MARK2: variants seen among roughly 807,000 people sequenced by gnomAD.
MARK2 encodes the protein serine/threonine-protein kinase MARK2.
MARK2 carries 16 observed loss-of-function variants against 89.8 expected under a neutral mutation model. That is an observed-to-expected ratio of 0.18 (90% confidence interval 0.12 to 0.27). The LOEUF is 0.27. MARK2 is among the 10% of genes least tolerant of loss of function. The pLI, the probability that MARK2 is intolerant of heterozygous loss-of-function variation, is 1.00. For synonymous variants in MARK2, 382 were observed against 399.5 expected, an observed-to-expected ratio of 0.96 and a Z score of 0.52; for missense variants, 621 against 1,049.9, an observed-to-expected ratio of 0.59 and a Z score of 5.65.
intron 16 of MARK2, among the ~76,000 whole-genome samples, chr11:63,905,345 C>T (rs985328342): frequency 2.0e-5 from 3 of 152,136 alleles, no homozygotes; most frequent in African/African-American, 4.8e-5. Context: ...AAAATAAAAG[C>T]CCCCCCTTCT....
At chr11:63,842,331 C>G (rs2016059785) in intron 1 of MARK2, among the ~76,000 whole-genome samples, 1 of 151,990 alleles carries the variant, frequency 6.6e-6, no homozygotes, top group Non-Finnish European at 1.5e-5. Context: ...ATTCCCCTGC[C>G]TCAGCCTCCT....
At chr11:63,901,205 T>C (rs1940835207) in intron 11 of MARK2, 136 bp downstream of exon 11, 1 of 659,686 alleles carries the variant, frequency 1.5e-6, no homozygotes, top group Admixed American at 2.2e-5. Flanking sequence ...AGCCTCAGCT[T>C]TGGTGTCTAA....
At chr11:63,876,579 G>C (rs1049681268) in intron 1 of MARK2, among the ~76,000 whole-genome samples, 1 of 152,240 alleles carries the variant, frequency 6.6e-6, no homozygotes, top group Non-Finnish European at 1.5e-5. Context: ...TGGCCACCCA[G>C]CTAAATTCTA....
intron 18 of MARK2, 42 bp downstream of exon 18, chr11:63,908,346 G>A (rs190807235): frequency 8.6e-5 from 131 of 1,521,918 alleles, no homozygotes; most frequent in East Asian, 5.9e-4. Context: ...CCGGGCCACC[G>A]GGCTTGCCAC....
At chr11:63,888,297 C>G (rs1939526604) in intron 1 of MARK2, among the ~76,000 whole-genome samples, 1 of 152,206 alleles carries the variant, frequency 6.6e-6, no homozygotes, top group Non-Finnish European at 1.5e-5. Flanking sequence ...GTCAGCACAT[C>G]TGAGTCACAC....
At chr11:63,864,488 G>A (rs961640798) in intron 1 of MARK2, among the ~76,000 whole-genome samples, 1 of 147,482 alleles carries the variant, frequency 6.8e-6, no homozygotes, top group Non-Finnish European at 1.5e-5. Flanking sequence ...TTGAACTCCC[G>A]ACCTCAGGTG....
At position 63,906,131 on chromosome 11, in the gene MARK2, CTGTGTGTGTG is replaced by C. The variant is rs535377951; in HGVS notation, c.1961+33_1961+42del. 9.3e-6 allele frequency: 11 copies of C among 1,186,740 alleles called. No individual in the cohort carries two copies. The Middle Eastern group carries it at 8.0e-4, about 86-fold the overall frequency. The allele number at this position is 1,186,740 out of a possible 1,614,324, so 73.5% of individuals were successfully genotyped here. ...TGCCAGAAGGTAGGCGTTGAGCCCG[CTGTGTGTGTG>C]TGTGTGTGTGTGTGTCTGTGTCCTG... On this transcript the variant is annotated intron_variant, in intron 17 of 18. Coordinates refer to ENST00000402010, the MANE Select transcript of MARK2 (RefSeq NM_001039469.3).
At chr11:63,841,242 C>T (rs1198617856) in intron 1 of MARK2, among the ~76,000 whole-genome samples, 1 of 152,044 alleles carries the variant, frequency 6.6e-6, no homozygotes, top group Non-Finnish European at 1.5e-5. Flanking sequence ...CTGTGTTTTT[C>T]TATTTTGTTA....
At chr11:63,847,472 G>T in intron 1 of MARK2, among the ~76,000 whole-genome samples, 1 of 152,264 alleles carries the variant, frequency 6.6e-6, no homozygotes, top group African/African-American at 2.4e-5. Flanking sequence ...TGAGGAAGGC[G>T]GAGCAGACCA....
At chr11:63,884,708 C>G (rs568451456) in intron 1 of MARK2, among the ~76,000 whole-genome samples, 9 of 152,354 alleles carry the variant, frequency 5.9e-5, no homozygotes, top group African/African-American at 2.2e-4. Flanking sequence ...AGGCTTTCCA[C>G]TGGTGAGTGC....
At chr11:63,890,711 T>C (rs539753011) in intron 1 of MARK2, among the ~76,000 whole-genome samples, 1 of 152,324 alleles carries the variant, frequency 6.6e-6, no homozygotes, top group East Asian at 1.9e-4. Flanking sequence ...TGGAAGGTTG[T>C]TTTGACAGTG....
In MARK2 at chr11:63,909,477, G is replaced by A. The variant is rs1258226744; in HGVS notation, c.*240G>A. ...CCCCCTTCTCCTCTCCCCTACTGGA[G>A]GCAAAGGAAGGGGAGGGTGGATGGG... On this transcript the variant is annotated 3_prime_UTR_variant, in exon 19 of 19. Transcript: ENST00000402010. The A allele has an allele frequency of 7.5e-6, 3 of 402,302 alleles. No individual in the cohort carries two copies. The highest frequency in any genetic ancestry group is 1.3e-5 in the Non-Finnish European group (3 of 226,970). 24.9% of individuals were successfully genotyped at this position (402,302 alleles called of 1,614,324 possible). A position where few individuals can be genotyped will look rare whatever the true frequency, so the allele number is the denominator to read the frequency against.
At chr11:63,858,916 C>T (rs1937604285) in intron 1 of MARK2, among the ~76,000 whole-genome samples, 2 of 152,222 alleles carry the variant, frequency 1.3e-5, no homozygotes, top group Admixed American at 1.3e-4. Context: ...GCTGAGGAAG[C>T]TGGTTCTCAG....
chr11:63,859,687 G>A (rs1034380721), intron 1 of MARK2, among the ~76,000 whole-genome samples: 2 of 151,440 alleles, frequency 1.3e-5, no homozygotes, highest in African/African-American at 2.4e-5. Flanking sequence ...GCTGGAGTGC[G>A]GTGGCCGGAT....
At position 63,839,441 on chromosome 11, in the gene MARK2, C is replaced by CT. The variant is rs1001485176; in HGVS notation, c.-65dup. ...CTGTGAGAAGCCCCGCCCGGCCGGGCTCCGCGCCTTCCCTTCCCTCCCTTC... is the reference window on the plus strand; with the variant it reads ...CTGTGAGAAGCCCCGCCCGGCCGGGCTTCCGCGCCTTCCCTTCCCTCCCTTC... On this transcript the variant is annotated 5_prime_UTR_variant, in exon 1 of 19. Transcript: ENST00000402010. 9.8e-7 allele frequency: 1 copy of CT among 1,018,140 alleles called. No individual in the cohort carries two copies. The highest frequency in any genetic ancestry group is 1.6e-5 in the African/African-American group (1 of 61,504). 63.1% of individuals were successfully genotyped at this position (1,018,140 alleles called of 1,614,324 possible).
chr11:63,867,363 TTGAA>T (rs1938195480), intron 1 of MARK2, among the ~76,000 whole-genome samples: 1 of 152,134 alleles, frequency 6.6e-6, no homozygotes, highest in South Asian at 2.1e-4. Flanking sequence ...ATAGAACTGG[TTGAA>T]TGGGAATTAG....
Position 63,902,123 on chromosome 11 carries a change from G to T in MARK2, c.1102-75G>T. 1 of 1,547,082 alleles carries T rather than the reference G, an allele frequency of 6.5e-7. No homozygotes were observed. Among genetic ancestry groups the T allele is most frequent in the East Asian group, 2.3e-5 (1 of 44,238 alleles). ...TTTGAGTGTTGGGAGAGGGCGGTAT[G>T]TGTAAATGTGTCCATCCATAGGGAT... On this transcript the variant is annotated intron_variant, in intron 11 of 18. Transcript: ENST00000402010. This position sits in a 1 kb window ranked among gnomAD's most constrained non-coding sequence, Gnocchi z 4.2.
intron 1 of MARK2, among the ~76,000 whole-genome samples, chr11:63,848,154 T>G (rs1427307859): frequency 1.3e-5 from 2 of 152,154 alleles, no homozygotes; most frequent in South Asian, 4.1e-4. Flanking sequence ...GTAGGATTAT[T>G]TCCCAGTCTC....
At chr11:63,853,170 A>G (rs1349270775) in intron 1 of MARK2, among the ~76,000 whole-genome samples, 1 of 152,196 alleles carries the variant, frequency 6.6e-6, no homozygotes, top group Non-Finnish European at 1.5e-5. Context: ...AGACCGAGGC[A>G]GGTGGATCAC....
Sources: gnomAD v4.1 joint callset for allele counts (sites outside exome capture counted in the v4.1 genomes callset) on GRCh38, gnomAD v4.1.1 for gene constraint, Gnocchi (gnomAD v3.1) non-coding constraint, MANE v1.5 for transcripts, NCBI Gene and HGNC (gene_info 2026-07-23, HGNC 2026-07-21) for gene names.